The following PCDH15 variants were observed in gnomAD, a reference collection of about 807,000 sequenced individuals.
PCDH15 encodes the protein protocadherin-15.
Under a neutral mutation model 178.5 loss-of-function variants are expected in PCDH15, and 129 were observed. The observed-to-expected ratio is 0.72, with a 90% CI of 0.63 to 0.84. The LOEUF is 0.84. Ranked by LOEUF, PCDH15 falls within the 40% of genes least tolerant of loss-of-function variation. PCDH15 has a pLI of 0.00. For synonymous variants in PCDH15, 800 were observed against 732.0 expected, an observed-to-expected ratio of 1.09 and a Z score of -1.50; for missense variants, 2,230 against 2,099.9, an observed-to-expected ratio of 1.06 and a Z score of -1.21.
intron 15 of PCDH15, among the ~76,000 whole-genome samples, chr10:54,126,468 G>A (rs1351114530): frequency 2.0e-5 from 3 of 151,876 alleles, no homozygotes; most frequent in South Asian, 2.1e-4. Context: ...CCTTAAATAC[G>A]AAAGATAAGA....
intron 2 of PCDH15, among the ~76,000 whole-genome samples, chr10:54,583,668 C>T (rs928540678): frequency 2.9e-4 from 44 of 152,242 alleles, no homozygotes; most frequent in African/African-American, 9.9e-4. Flanking sequence ...AAAAAAAGTT[C>T]ATATGCTAAT....
chr10:54,492,658 T>C (rs1455403189), intron 3 of PCDH15, among the ~76,000 whole-genome samples: 2 of 152,134 alleles, frequency 1.3e-5, no homozygotes, highest in Non-Finnish European at 2.9e-5. Context: ...CCATTCCTTT[T>C]TTATCACAAG....
rs376832936 is a variant in PCDH15 at position 55,024,666 on chromosome 10, G to A, written c.-79-127166C>T. Among the ~76,000 whole-genome samples the A allele has an allele frequency of 7.2e-5, 11 of 151,744 alleles. No homozygotes were observed. The East Asian group carries it at 1.4e-3, about 19-fold the overall frequency. On this transcript the variant is annotated intron_variant, in intron 2 of 5. Coordinates refer to the PCDH15 transcript ENST00000458638. ...CAAGAAACTGCATTATTATTTATTT[G>A]GTCAACTGACTTAGAAATCTAAGAA...
chr10:54,573,399 A>G (rs1472606911), intron 2 of PCDH15, among the ~76,000 whole-genome samples: 1 of 152,178 alleles, frequency 6.6e-6, no homozygotes, highest in Non-Finnish European at 1.5e-5. Context: ...ATACACATAA[A>G]TTTAGGAGGA....
At chr10:54,216,002 C>CACTGTACT (rs2052001070) in intron 9 of PCDH15, among the ~76,000 whole-genome samples, 1 of 137,628 alleles carries the variant, frequency 7.3e-6, no homozygotes. Context: ...GAGATCGTAC[C>CACTGTACT]ACTGCACTAC....
intron 3 of PCDH15, among the ~76,000 whole-genome samples, chr10:54,436,016 G>A (rs1565270164): frequency 8.1e-4 from 48 of 59,624 alleles, no homozygotes; most frequent in African/African-American, 4.2e-3. Context: ...GGAGAGGAGA[G>A]GAGAGGAGAG....
intron 2 of PCDH15, among the ~76,000 whole-genome samples, chr10:55,410,881 C>A (rs1395628864): frequency 1.3e-5 from 2 of 151,994 alleles, no homozygotes; most frequent in Non-Finnish European, 2.9e-5. Context: ...TAGACATGTA[C>A]GCATTATTGC....
At chr10:54,557,064 T>C (rs2133289055) in intron 2 of PCDH15, among the ~76,000 whole-genome samples, 1 of 152,268 alleles carries the variant, frequency 6.6e-6, no homozygotes, top group Admixed American at 6.5e-5. Flanking sequence ...TCCATAAATT[T>C]TTCATAGACT....
chr10:55,171,553 T>C (rs1839331916), intron 1 of PCDH15, among the ~76,000 whole-genome samples: 1 of 151,948 alleles, frequency 6.6e-6, no homozygotes, highest in South Asian at 2.1e-4. Context: ...AACAACGACA[T>C]AAAAGAAAAA....
intron 10 of PCDH15, among the ~76,000 whole-genome samples, chr10:54,207,278 C>T (rs1436726151): frequency 4.0e-5 from 6 of 151,852 alleles, no homozygotes; most frequent in African/African-American, 1.5e-4. Context: ...TTAATTTAGG[C>T]CAGTACTTAG....
intron 7 of PCDH15, among the ~76,000 whole-genome samples, chr10:54,328,314 G>A (rs982615029): frequency 6.6e-6 from 1 of 151,774 alleles, no homozygotes; most frequent in Non-Finnish European, 1.5e-5. Context: ...ATATCTTTAT[G>A]CCTCATTTCT....
intron 2 of PCDH15, among the ~76,000 whole-genome samples, chr10:55,344,559 C>T (rs1055361799): frequency 6.6e-6 from 1 of 151,936 alleles, no homozygotes; most frequent in African/African-American, 2.4e-5. Context: ...CAAAGATTAT[C>T]CAAAAGAGAC....
intron 26 of PCDH15, among the ~76,000 whole-genome samples, chr10:53,874,257 A>G (rs772519412): frequency 1.4e-4 from 21 of 152,168 alleles, no homozygotes; most frequent in Non-Finnish European, 2.8e-4. Context: ...TTCCCTCCCC[A>G]GAAAGTTAAA....
intron 3 of PCDH15, among the ~76,000 whole-genome samples, chr10:54,865,493 G>T (rs999756988): frequency 6.6e-6 from 1 of 152,134 alleles, no homozygotes; most frequent in Non-Finnish European, 1.5e-5. Flanking sequence ...GGCCTATTGT[G>T]AGACTTTGCT....
chr10:54,743,567 G>A (rs946999202), intron 1 of PCDH15, among the ~76,000 whole-genome samples: 4 of 151,772 alleles, frequency 2.6e-5, no homozygotes, highest in East Asian at 3.9e-4. Context: ...AAGCTTATAC[G>A]AATACACTAA....
chr10:54,971,980 C>T lies in PCDH15; in HGVS notation c.-79-74480G>A, dbSNP rs531675710. Among the ~76,000 whole-genome samples the T allele has an allele frequency of 5.9e-5, 9 of 152,172 alleles. No individual in the cohort carries two copies. The East Asian group carries it at 1.4e-3, about 23-fold the overall frequency. On this transcript the variant is annotated intron_variant, in intron 2 of 5. Coordinates refer to the PCDH15 transcript ENST00000458638. ...TCCCCAGGCAGGACACTGTCGATTC[C>T]CTGATGTCATTAACTACGGATACAA...
At chr10:54,882,332 A>G (rs1281335228) in intron 3 of PCDH15, among the ~76,000 whole-genome samples, 2 of 152,038 alleles carry the variant, frequency 1.3e-5, no homozygotes, top group Non-Finnish European at 2.9e-5. Flanking sequence ...ATATTAAAGG[A>G]GCCACTTTTT....
rs534302192 is a variant in PCDH15 at position 54,456,788 on chromosome 10, C to T, written c.157+71024G>A. Among the ~76,000 whole-genome samples the T allele has an allele frequency of 2.6e-5, 4 of 152,190 alleles. No individual in the cohort carries two copies. In the East Asian group the frequency reaches 7.8e-4, roughly 30 times the overall value. ...GGGACACAGTGGGAGGTTATTTAAT[C>T]GTGGGGTTGGTTACCCTCGTGTTGT... On this transcript the variant is annotated intron_variant, in intron 3 of 37. Coordinates refer to ENST00000644397, the MANE Select transcript of PCDH15 (RefSeq NM_001384140.1).
At chr10:55,605,275 G>A (rs1355941196) in intron 2 of PCDH15, among the ~76,000 whole-genome samples, 1 of 152,044 alleles carries the variant, frequency 6.6e-6, no homozygotes, top group Admixed American at 6.6e-5. Flanking sequence ...ACCAAAAAGA[G>A]TCCAGGACCA....
Sources: gnomAD v4.1 joint callset for allele counts (sites outside exome capture counted in the v4.1 genomes callset) on GRCh38, gnomAD v4.1.1 for gene constraint, MANE v1.5 for transcripts, NCBI Gene and HGNC (gene_info 2026-07-23, HGNC 2026-07-21) for gene names.